PROM1: variants seen among roughly 807,000 people sequenced by gnomAD.
PROM1 encodes the protein prominin-1.
In PROM1, 105 loss-of-function variants were observed where a neutral mutation model predicts 116.9. The ratio of observed to expected loss-of-function variants is 0.90; its 90% CI spans 0.77 to 1.06. PROM1 has a LOEUF of 1.06. Among genes scored for constraint, PROM1 ranks in the 50% least tolerant of loss-of-function variants. The pLI, the probability that PROM1 is intolerant of heterozygous loss-of-function variation, is 0.00. For missense variants in PROM1, 1,122 were observed against 1,045.2 expected, an observed-to-expected ratio of 1.07 and a Z score of -1.01; for synonymous variants, 393 against 387.0, an observed-to-expected ratio of 1.02 and a Z score of -0.18.
intron 19 of PROM1, 28 bp downstream of exon 19, chr4:15,989,704 T>G: frequency 2.7e-5 from 42 of 1,542,562 alleles, no homozygotes; most frequent in Non-Finnish European, 3.5e-5. Context: ...CAGGTCACAG[T>G]GAAATACAAT....
At chr4:16,080,971 C>T (rs983462469) in intron 1 of PROM1, among the ~76,000 whole-genome samples, 13 of 152,094 alleles carry the variant, frequency 8.5e-5, no homozygotes, top group African/African-American at 3.1e-4. Flanking sequence ...CCTGGCTAGC[C>T]AGCCTTGCTG....
chr4:15,970,960 A>G, intron 27 of PROM1, 83 bp downstream of exon 27: 1 of 1,089,612 alleles, frequency 9.2e-7, no homozygotes. Flanking sequence ...GTGGCAATGT[A>G]TTAGGAATAG....
At chr4:16,074,295 T>C (rs1743476458) in intron 2 of PROM1, among the ~76,000 whole-genome samples, 1 of 152,196 alleles carries the variant, frequency 6.6e-6, no homozygotes. Flanking sequence ...TATTACACAT[T>C]GCATGTCTGT....
chr4:16,019,226 G>A (rs1427009028), intron 8 of PROM1, among the ~76,000 whole-genome samples: 2 of 152,228 alleles, frequency 1.3e-5, no homozygotes, highest in Non-Finnish European at 2.9e-5. Context: ...CATACAGAGA[G>A]TACCCAACTA....
At chr4:16,072,502 C>T (rs534585916) in intron 2 of PROM1, among the ~76,000 whole-genome samples, 1 of 152,346 alleles carries the variant, frequency 6.6e-6, no homozygotes, top group East Asian at 1.9e-4. Context: ...ACCTAACCAA[C>T]TCCATCTTGC....
rs141081352 is a variant in PROM1, at chr4:15,990,421, G to A, written c.1984-597C>T. On this transcript the variant is annotated intron_variant, in intron 18 of 27. Coordinates refer to ENST00000447510, the MANE Select transcript of PROM1 (RefSeq NM_006017.3). ...GTTGAAAGGGGAAGCTTATGGGGCT[G>A]GGGTGGTACCTCTGCCTTCCCTCAT... Among the ~76,000 whole-genome samples the A allele has an allele frequency of 3.7e-4, 56 of 152,298 alleles. 1 individual carries two copies. In the East Asian group the frequency reaches 9.9e-3, roughly 27 times the overall value.
intron 10 of PROM1, among the ~76,000 whole-genome samples, chr4:16,014,908 G>T (rs1205496356): frequency 6.6e-6 from 1 of 152,120 alleles, no homozygotes; most frequent in African/African-American, 2.4e-5. Flanking sequence ...CGTTTTTGGG[G>T]GTTTACAGTT....
chr4:16,016,684 C>T (rs539883531), intron 9 of PROM1, among the ~76,000 whole-genome samples: 4 of 152,112 alleles, frequency 2.6e-5, no homozygotes, highest in Non-Finnish European at 4.4e-5. Context: ...AATACTGGGA[C>T]GAACATCATA....
Position 15,992,206 on chromosome 4 carries a change from T to A in PROM1, c.1911+42A>T, listed in dbSNP as rs748427755. ...AAACAGAAATACACATCTGACACTTTAATTTCTCCTAAAGGATCAAGCATG... is the reference window on the plus strand; with the variant it reads ...AAACAGAAATACACATCTGACACTTAAATTTCTCCTAAAGGATCAAGCATG... On this transcript the variant is annotated intron_variant, in intron 17 of 27. Transcript: ENST00000447510. The A allele has an allele frequency of 1.9e-5, 31 of 1,597,300 alleles. No individual in the cohort carries two copies. In the South Asian group the frequency reaches 3.6e-4, roughly 18 times the overall value.
intron 3 of PROM1, among the ~76,000 whole-genome samples, 180 bp from the exon 4 acceptor site, chr4:16,035,941 AAC>A (rs1291513785): frequency 3.3e-5 from 5 of 152,386 alleles, no homozygotes; most frequent in Admixed American, 3.3e-4. Flanking sequence ...GAATTCAAGA[AAC>A]AGTGTTTTAA....
At chr4:16,033,181 G>T in intron 5 of PROM1, 123 bp downstream of exon 5, 4 of 801,194 alleles carry the variant, frequency 5.0e-6, no homozygotes, top group Non-Finnish European at 7.7e-6. Flanking sequence ...TTTTCTGTTT[G>T]GTGGGTTTTT....
At chr4:16,078,964 A>G (rs1744487036) in intron 1 of PROM1, among the ~76,000 whole-genome samples, 2 of 152,152 alleles carry the variant, frequency 1.3e-5, no homozygotes, top group Non-Finnish European at 2.9e-5. Flanking sequence ...TACTAACCTC[A>G]GGCCCACGCT....
chr4:16,027,596 C>T (rs1350195094), intron 5 of PROM1, among the ~76,000 whole-genome samples: 1 of 152,204 alleles, frequency 6.6e-6, no homozygotes, highest in Non-Finnish European at 1.5e-5. Context: ...GGAGAAGAAC[C>T]TCCTTGCCTT....
chr4:16,008,822 T>C (rs2149248265), intron 12 of PROM1, 127 bp downstream of exon 12: 4 of 862,970 alleles, frequency 4.6e-6, no homozygotes, highest in Non-Finnish European at 3.6e-6. Context: ...GGGGTTAACA[T>C]ATATCAGGTC....
chr4:16,019,412 T>A (rs940027092), intron 8 of PROM1, among the ~76,000 whole-genome samples: 1 of 152,246 alleles, frequency 6.6e-6, no homozygotes, highest in Non-Finnish European at 1.5e-5. Flanking sequence ...AGCCATGCAA[T>A]CAAGAGGGCA....
At chr4:15,998,237 C>A (rs1278837911) in intron 15 of PROM1, 148 bp downstream of exon 15, 1 of 1,238,312 alleles carries the variant, frequency 8.1e-7, no homozygotes, top group African/African-American at 1.6e-5. Context: ...GATCTAATTT[C>A]TACTGTGTCT....
chr4:16,013,372 A>T (rs1475218563), intron 10 of PROM1, 34 bp from the exon 11 acceptor site: 1 of 1,504,050 alleles, frequency 6.6e-7, no homozygotes, highest in Non-Finnish European at 9.3e-7. Context: ...GGATGTACAC[A>T]GTTAAGTCAA....
intron 22 of PROM1, among the ~76,000 whole-genome samples, chr4:15,985,285 G>A (rs948018984): frequency 6.6e-6 from 1 of 152,154 alleles, no homozygotes; most frequent in Non-Finnish European, 1.5e-5. Context: ...AGCACCCAAG[G>A]ATTTTGGTAT....
chr4:16,017,777 G>A (rs542244793), intron 9 of PROM1, among the ~76,000 whole-genome samples: 3 of 152,174 alleles, frequency 2.0e-5, no homozygotes, highest in East Asian at 3.9e-4. Flanking sequence ...AGCTGAGATC[G>A]TGCCACTGCA....
Sources: allele counts gnomAD v4.1 joint callset (sites outside exome capture counted in the v4.1 genomes callset), GRCh38; gene constraint gnomAD v4.1.1; transcripts MANE v1.5; gene names NCBI Gene and HGNC (gene_info 2026-07-23, HGNC 2026-07-21).